Variants in FAM13A observed in about 807,000 individuals in gnomAD.
FAM13A encodes the protein protein FAM13A.
A neutral mutation model predicts 129.6 loss-of-function variants in FAM13A; 76 were observed. The ratio of observed to expected loss-of-function variants is 0.59; its 90% confidence interval spans 0.49 to 0.71. The LOEUF is 0.71. Among genes scored for constraint, FAM13A ranks in the 30% least tolerant of loss-of-function variants. The pLI is 0.00. For missense variants in FAM13A, 1,108 were observed against 1,249.3 expected, an observed-to-expected ratio of 0.89 and a Z score of 1.70; for synonymous variants, 443 against 449.9, an observed-to-expected ratio of 0.98 and a Z score of 0.20.
At chr4:88,876,196 C>T (rs1047761164) in intron 6 of FAM13A, among the ~76,000 whole-genome samples, 9 of 151,924 alleles carry the variant, frequency 5.9e-5, no homozygotes, top group Admixed American at 2.6e-4. Flanking sequence ...ATGCAAATGA[C>T]GAGTTAATGG....
chr4:88,956,466 C>T (rs543694710), intron 4 of FAM13A, among the ~76,000 whole-genome samples: 6 of 151,998 alleles, frequency 3.9e-5, no homozygotes, highest in East Asian at 1.9e-4. Context: ...TGTCTAATGA[C>T]GCATTTCTCA....
intron 4 of FAM13A, among the ~76,000 whole-genome samples, chr4:88,975,701 T>C (rs1760806179): frequency 6.6e-6 from 1 of 152,256 alleles, no homozygotes; most frequent in Non-Finnish European, 1.5e-5. Flanking sequence ...GTATTCATTT[T>C]AAATGCTTTC....
At chr4:88,817,564 A>G (rs79925318) in intron 7 of FAM13A, among the ~76,000 whole-genome samples, 1 of 139,204 alleles carries the variant, frequency 7.2e-6, no homozygotes, top group African/African-American at 3.1e-5. Context: ...CTCTGTCTCA[A>G]AAAAAAAAAA....
At chr4:88,911,707 C>G (rs76097421) in intron 5 of FAM13A, among the ~76,000 whole-genome samples, 3 of 152,226 alleles carry the variant, frequency 2.0e-5, no homozygotes, top group African/African-American at 7.2e-5. Flanking sequence ...GCTCCTTCAA[C>G]GGTCTCCTGT....
chr4:88,803,118 T>TA (rs1328938382), intron 8 of FAM13A, among the ~76,000 whole-genome samples: 1 of 152,158 alleles, frequency 6.6e-6, no homozygotes, highest in African/African-American at 2.4e-5. Flanking sequence ...TTCCGGTGAG[T>TA]AACCCTCTCA....
At chr4:88,923,745 A>C (rs1235537747) in intron 5 of FAM13A, among the ~76,000 whole-genome samples, 1 of 152,170 alleles carries the variant, frequency 6.6e-6, no homozygotes, top group East Asian at 1.9e-4. Context: ...TTCAATTAGG[A>C]AAAGAGGAAG....
intron 7 of FAM13A, among the ~76,000 whole-genome samples, chr4:88,844,457 A>G (rs772665772): frequency 6.6e-6 from 1 of 152,226 alleles, no homozygotes; most frequent in African/African-American, 2.4e-5. Flanking sequence ...TGACATTATT[A>G]TTACAGGGCT....
At chr4:88,881,012 GC>G (rs964151115) in intron 6 of FAM13A, among the ~76,000 whole-genome samples, 2 of 152,194 alleles carry the variant, frequency 1.3e-5, no homozygotes, top group Non-Finnish European at 2.9e-5. Context: ...GCCTAACCCT[GC>G]CCCCACCTGA....
intron 4 of FAM13A, among the ~76,000 whole-genome samples, chr4:88,969,892 T>C (rs1759847119): frequency 6.6e-6 from 1 of 152,192 alleles, no homozygotes; most frequent in African/African-American, 2.4e-5. Flanking sequence ...CTCTGAAGTG[T>C]TTTCTAGCCT....
At chr4:88,973,644 T>C (rs918403785) in intron 4 of FAM13A, among the ~76,000 whole-genome samples, 4 of 152,244 alleles carry the variant, frequency 2.6e-5, no homozygotes, top group African/African-American at 9.6e-5. Context: ...AAGTCTGATT[T>C]TGATGCTTGC....
At chr4:88,731,494 T>G in intron 22 of FAM13A, 66 bp from the exon 23 acceptor site, 1 of 938,748 alleles carries the variant, frequency 1.1e-6, no homozygotes, top group Non-Finnish European at 1.7e-6. Flanking sequence ...GTGATGAATG[T>G]GTAACTCAAC....
intron 2 of FAM13A, among the ~76,000 whole-genome samples, chr4:89,024,638 A>G (rs1767699031): frequency 1.3e-5 from 2 of 152,240 alleles, no homozygotes; most frequent in Admixed American, 1.3e-4. Flanking sequence ...TCACAGGTGT[A>G]CAGTAAATGT....
chr4:88,942,174 T>C (rs1754865676), intron 4 of FAM13A, among the ~76,000 whole-genome samples: 1 of 152,132 alleles, frequency 6.6e-6, no homozygotes, highest in Non-Finnish European at 1.5e-5. Context: ...ATATGAAATA[T>C]CCTAGATGAA....
At chr4:88,832,255 T>G (rs1428224960) in intron 7 of FAM13A, among the ~76,000 whole-genome samples, 1 of 152,154 alleles carries the variant, frequency 6.6e-6, no homozygotes, top group African/African-American at 2.4e-5. Context: ...ATTAAATATT[T>G]AAATGTAAAA....
chr4:88,821,353 AAAAGT>A (rs1731864863), intron 7 of FAM13A, among the ~76,000 whole-genome samples: 1 of 152,206 alleles, frequency 6.6e-6, no homozygotes, highest in Non-Finnish European at 1.5e-5. Flanking sequence ...GCAAAGAAAC[AAAAGT>A]AGCAACTCAA....
intron 5 of FAM13A, among the ~76,000 whole-genome samples, chr4:88,919,597 T>C (rs1406492126): frequency 2.6e-5 from 4 of 152,212 alleles, no homozygotes; most frequent in Non-Finnish European, 4.4e-5. Flanking sequence ...ACAGCTCCAG[T>C]GTACAGCTCC....
intron 8 of FAM13A, among the ~76,000 whole-genome samples, chr4:88,797,389 C>T (rs1020959104): frequency 7.9e-5 from 12 of 151,744 alleles, no homozygotes; most frequent in Non-Finnish European, 1.0e-4. Context: ...CCTCTTGCTT[C>T]GGCCTCACAA....
At chr4:88,976,905 C>T (rs933125603) in intron 4 of FAM13A, among the ~76,000 whole-genome samples, 1 of 152,086 alleles carries the variant, frequency 6.6e-6, no homozygotes, top group African/African-American at 2.4e-5. Context: ...AGTACAGTAA[C>T]ATGGTGTACA....
intron 18 of FAM13A, 48 bp from the exon 19 acceptor site, chr4:88,747,063 G>C: frequency 8.0e-7 from 1 of 1,257,356 alleles, no homozygotes; most frequent in Non-Finnish European, 1.2e-6. Flanking sequence ...AAATGTGTGT[G>C]AACATTCCAA....
Sources: gnomAD v4.1 joint callset for allele counts (sites outside exome capture counted in the v4.1 genomes callset) on GRCh38, gnomAD v4.1.1 for gene constraint, MANE v1.5 for transcripts, NCBI Gene and HGNC (gene_info 2026-07-23, HGNC 2026-07-21) for gene names.